The following GAB2 variants were observed in gnomAD, a reference collection of about 807,000 sequenced individuals.
GAB2 encodes GRB2 associated binding protein 2.
Under a neutral mutation model 65.5 loss-of-function variants are expected in GAB2, and 26 were observed. The observed-to-expected ratio is 0.40, with a 90% CI of 0.29 to 0.55. The LOEUF is 0.55. GAB2 is among the 20% of genes least tolerant of loss of function. GAB2 has a pLI of 0.53. For missense variants in GAB2, 884 were observed against 875.8 expected, an observed-to-expected ratio of 1.01 and a Z score of -0.12; for synonymous variants, 321 against 329.6, an observed-to-expected ratio of 0.97 and a Z score of 0.28.
chr11:78,248,620 C>A (rs1274001697), intron 3 of GAB2, among the ~76,000 whole-genome samples: 1 of 152,208 alleles, frequency 6.6e-6, no homozygotes, highest in Non-Finnish European at 1.5e-5. Flanking sequence ...ATAGGAAGAA[C>A]AGGTAAAATG....
At chr11:78,382,518 CT>C (rs989453436) in intron 1 of GAB2, among the ~76,000 whole-genome samples, 1 of 151,858 alleles carries the variant, frequency 6.6e-6, no homozygotes, top group Non-Finnish European at 1.5e-5. Flanking sequence ...CTGAGGTATG[CT>C]TTTTTTCCTA....
rs1865420467 is a variant in GAB2 at position 78,250,393 on chromosome 11, C to T, written c.384G>A (p.Leu128=). The change falls in exon 3 of 10, where the codon CTG becomes CTA. Residue 128 remains leucine (L), a synonymous_variant. Transcript: ENST00000361507. ...CATGACCGGCTGAGGAAACATTTCT[C>T]AGGGAGTCTGAAAAGGAGAAATAGC... The part of the protein sequence containing the change: ...FNQAEESTDS[L]RNVSSAGHGP... 6.8e-6 allele frequency: 11 copies of T among 1,613,142 alleles called. No individual in the cohort carries two copies. The highest frequency in any genetic ancestry group is 9.3e-6 in the Non-Finnish European group (11 of 1,179,436).
intron 1 of GAB2, among the ~76,000 whole-genome samples, chr11:78,406,859 G>T (rs1857052130): frequency 6.6e-6 from 1 of 152,028 alleles, no homozygotes; most frequent in African/African-American, 2.4e-5. Flanking sequence ...AAATTGGAAA[G>T]CCTCCAAAAA....
chr11:78,403,031 T>C (rs1856994629), intron 1 of GAB2, among the ~76,000 whole-genome samples: 1 of 152,170 alleles, frequency 6.6e-6, no homozygotes, highest in Non-Finnish European at 1.5e-5. Flanking sequence ...GAGGACACAA[T>C]GGAAGACATT....
At chr11:78,332,564 C>A (rs901638590) in intron 1 of GAB2, among the ~76,000 whole-genome samples, 3 of 152,138 alleles carry the variant, frequency 2.0e-5, no homozygotes, top group Non-Finnish European at 4.4e-5. Flanking sequence ...GTACAAATGA[C>A]ATCCTATGTT....
intron 2 of GAB2, among the ~76,000 whole-genome samples, chr11:78,260,766 C>A (rs760739129): frequency 6.6e-6 from 1 of 152,206 alleles, no homozygotes; most frequent in Non-Finnish European, 1.5e-5. Flanking sequence ...GTCACCGCGC[C>A]CAGTCTATGC....
rs1052613246 is a variant in GAB2, at chr11:78,240,353, G to A, written c.620+9804C>T. On this transcript the variant is annotated intron_variant, in intron 3 of 9. Transcript: ENST00000361507. ...GGGTGCCCTAGCTGAGCTGAGAGGG[G>A]GTGCATTCCAAGGCTGAGCTGATAC... is the stretch of plus-strand genomic sequence containing the variant. 4.6e-5 allele frequency among the ~76,000 whole-genome samples: 7 copies of A among 151,730 alleles called. No individual in the cohort carries two copies. The East Asian group carries it at 1.4e-3, about 29-fold the overall frequency.
rs72241707 is a variant in GAB2 at position 78,320,725 on chromosome 11, C to CT, written c.76-39825dup. Among the ~76,000 whole-genome samples the CT allele has an allele frequency of 7.4e-4, 76 of 102,460 alleles. 1 individual carries two copies. Among genetic ancestry groups the CT allele is most frequent in the South Asian group, 4.7e-3 (15 of 3,214 alleles). 67.2% of individuals were successfully genotyped at this position (102,460 alleles called of 152,430 possible). A position where few individuals can be genotyped will look rare whatever the true frequency, so the allele number is the denominator to read the frequency against. ...ATGACCACACCTGGATAATTTTTGC[C>CT]TTTTTTTTTTTTTTTTTTTTTGGTA... On this transcript the variant is annotated intron_variant, in intron 1 of 9. Coordinates refer to ENST00000361507, the MANE Select transcript of GAB2 (RefSeq NM_080491.3).
At chr11:78,291,523 A>T (rs1401376403) in intron 1 of GAB2, among the ~76,000 whole-genome samples, 3 of 104,892 alleles carry the variant, frequency 2.9e-5, no homozygotes, top group African/African-American at 7.0e-5. Flanking sequence ...CCTAAGGTCT[A>T]TTCTCCCCTA....
At chr11:78,266,519 T>C (rs1865880431) in intron 2 of GAB2, among the ~76,000 whole-genome samples, 1 of 152,224 alleles carries the variant, frequency 6.6e-6, no homozygotes, top group African/African-American at 2.4e-5. Context: ...TACATTTCTA[T>C]CACTGGCCAG....
At chr11:78,365,925 T>C (rs1479371439) in intron 1 of GAB2, among the ~76,000 whole-genome samples, 1 of 152,222 alleles carries the variant, frequency 6.6e-6, no homozygotes, top group Non-Finnish European at 1.5e-5. Context: ...AGCCACTAAC[T>C]GGCAAAGTTC....
At chr11:78,390,024 C>A (rs563206765) in intron 1 of GAB2, among the ~76,000 whole-genome samples, 1 of 152,158 alleles carries the variant, frequency 6.6e-6, no homozygotes, top group Non-Finnish European at 1.5e-5. Context: ...AGTTCAGGAC[C>A]AGGCAGCTTT....
intron 1 of GAB2, among the ~76,000 whole-genome samples, chr11:78,347,367 T>C (rs1473184637): frequency 6.6e-6 from 1 of 152,166 alleles, no homozygotes; most frequent in Non-Finnish European, 1.5e-5. Context: ...CGTTTTTATA[T>C]GGGTCCAAAC....
chr11:78,277,347 G>A (rs1335810244), intron 2 of GAB2, among the ~76,000 whole-genome samples: 1 of 152,132 alleles, frequency 6.6e-6, no homozygotes, highest in African/African-American at 2.4e-5. Flanking sequence ...CATGAGCAGG[G>A]CAGGAGCCTC....
chr11:78,340,412 G>A (rs917428319), intron 1 of GAB2, among the ~76,000 whole-genome samples: 4 of 152,188 alleles, frequency 2.6e-5, no homozygotes, highest in Admixed American at 2.0e-4. Context: ...TTCACACTGT[G>A]CATACACCCT....
rs1283085957 is a variant in GAB2 at position 78,346,708 on chromosome 11, T to C, written c.76-65807A>G. Among the ~76,000 whole-genome samples the C allele has an allele frequency of 5.5e-4, 42 of 76,292 alleles. 1 individual carries two copies. The highest frequency in any genetic ancestry group is 3.0e-3 in the African/African-American group (42 of 13,940). 50.1% of individuals were successfully genotyped at this position (76,292 alleles called of 152,430 possible). A position where few individuals can be genotyped will look rare whatever the true frequency, so the allele number is the denominator to read the frequency against. On this transcript the variant is annotated intron_variant, in intron 1 of 9. Transcript: ENST00000361507. ...ATATATATATATATATATATATATA[T>C]ATATATATATATAATTTTTTTTTTT...
Position 78,370,211 on chromosome 11 carries a change from C to A in GAB2, c.75+47435G>T, listed in dbSNP as rs188574997. ...GGCGGAGCTTGCAGTGAGCTGAGAT[C>A]CCGCCACTGCACTCCAGCCTGGGCG... On this transcript the variant is annotated intron_variant, in intron 1 of 9. Transcript: ENST00000361507. Among the ~76,000 whole-genome samples the A allele has an allele frequency of 6.8e-5, 10 of 147,330 alleles. No individual in the cohort carries two copies. The East Asian group carries it at 1.8e-3, about 26-fold the overall frequency.
chr11:78,319,944 C>T (rs959436235), intron 1 of GAB2, among the ~76,000 whole-genome samples: 3 of 150,950 alleles, frequency 2.0e-5, no homozygotes, highest in Non-Finnish European at 4.4e-5. Flanking sequence ...GGTGTGATCT[C>T]GGCTCACTGC....
intron 1 of GAB2, among the ~76,000 whole-genome samples, chr11:78,395,735 A>G (rs1353343886): frequency 6.6e-6 from 1 of 152,242 alleles, no homozygotes; most frequent in African/African-American, 2.4e-5. Flanking sequence ...TATTCAATTA[A>G]CAGGCTAAGG....
Sources: allele counts gnomAD v4.1 joint callset (sites outside exome capture counted in the v4.1 genomes callset), GRCh38; gene constraint gnomAD v4.1.1; transcripts MANE v1.5; gene names NCBI Gene and HGNC (gene_info 2026-07-23, HGNC 2026-07-21).